C12orf42: variants seen among roughly 807,000 people sequenced by gnomAD.
C12orf42 encodes the protein chromosome 12 open reading frame 42.
Under a neutral mutation model 21.6 loss-of-function variants are expected in C12orf42, and 25 were observed. The observed-to-expected ratio is 1.16, with a 90% CI of 0.84 to 1.62. C12orf42 has a LOEUF of 1.62. Among genes scored for constraint, C12orf42 ranks in the 40% most tolerant of loss-of-function variants. The pLI is 0.00. For synonymous variants in C12orf42, 174 were observed against 175.0 expected (o/e 0.99, Z 0.05); for missense variants, 483 against 459.3 (o/e 1.05, Z -0.47).
the C12orf42 span, chr12:103,156,345 A>T: frequency 6.6e-6 from 1 of 152,154 alleles, no homozygotes; most frequent in African/African-American, 2.4e-5. Flanking sequence ...GTGACTGAAA[A>T]GGGGCATAAA....
chr12:103,533,982 T>C, the C12orf42 span, among the ~76,000 whole-genome samples: 1 of 152,186 alleles, frequency 6.6e-6, no homozygotes, highest in Non-Finnish European at 1.5e-5. Context: ...CAGCACCTGC[T>C]TCATGTGGTC....
chr12:103,443,672 A>C (rs1244948833), intron 2 of C12orf42, among the ~76,000 whole-genome samples: 2 of 152,126 alleles, frequency 1.3e-5, no homozygotes, highest in Non-Finnish European at 2.9e-5. Flanking sequence ...TAAATGTTGA[A>C]GTCATTCATT....
intron 3 of C12orf42, among the ~76,000 whole-genome samples, chr12:103,388,303 C>T (rs966398163): frequency 6.6e-6 from 1 of 152,126 alleles, no homozygotes; most frequent in Non-Finnish European, 1.5e-5. Flanking sequence ...CCCAACAGAC[C>T]TCCAGATGGG....
chr12:103,180,763 G>T, the C12orf42 span, among the ~76,000 whole-genome samples: 1 of 150,522 alleles, frequency 6.6e-6, no homozygotes, highest in Non-Finnish European at 1.5e-5. Context: ...CGAGTAGCTG[G>T]GATTACAGGC....
chr12:103,109,537 T>C, the C12orf42 span, among the ~76,000 whole-genome samples: 2 of 151,542 alleles, frequency 1.3e-5, no homozygotes, highest in African/African-American at 2.4e-5. Flanking sequence ...TGCGAAACTT[T>C]AATACATTTA....
chr12:103,200,570 G>A, the C12orf42 span, among the ~76,000 whole-genome samples: 8 of 152,274 alleles, frequency 5.3e-5, no homozygotes, highest in East Asian at 3.9e-4. Context: ...TGATGGCTTC[G>A]CAGGTGTGTA....
At chr12:103,550,915 C>T in the C12orf42 span, among the ~76,000 whole-genome samples, 5 of 151,880 alleles carry the variant, frequency 3.3e-5, no homozygotes, top group Admixed American at 3.3e-4. Flanking sequence ...TCAATTTTTG[C>T]CCTTAATTAT....
the C12orf42 span, among the ~76,000 whole-genome samples, chr12:103,049,566 A>G: frequency 6.6e-6 from 1 of 152,150 alleles, no homozygotes; most frequent in Non-Finnish European, 1.5e-5. Flanking sequence ...CAGTCTTACC[A>G]TTCCTCTGCT....
intron 4 of C12orf42, among the ~76,000 whole-genome samples, chr12:103,334,178 T>C (rs1032072687): frequency 4.6e-5 from 7 of 152,200 alleles, no homozygotes; most frequent in Admixed American, 3.9e-4. Context: ...CCAACTTTGC[T>C]GCATCAGAAC....
chr12:103,351,036 C>T (rs2043060970), intron 4 of C12orf42, among the ~76,000 whole-genome samples: 1 of 152,230 alleles, frequency 6.6e-6, no homozygotes, highest in South Asian at 2.1e-4. Context: ...CTTTCACAAT[C>T]TGTAATTGCG....
the C12orf42 span, among the ~76,000 whole-genome samples, chr12:103,192,999 C>A: frequency 1.1e-4 from 17 of 152,196 alleles, no homozygotes; most frequent in Admixed American, 3.3e-4. Flanking sequence ...GAACACAAAA[C>A]AAATCTTAAC....
At chr12:103,421,597 A>AAAT (rs2049912662) in intron 2 of C12orf42, among the ~76,000 whole-genome samples, 1 of 142,818 alleles carries the variant, frequency 7.0e-6, no homozygotes, top group African/African-American at 2.5e-5. Context: ...ATAAATAAAT[A>AAAT]AATAAATAAA....
chr12:103,561,401 G>A, the C12orf42 span, among the ~76,000 whole-genome samples: 1 of 152,180 alleles, frequency 6.6e-6, no homozygotes. Context: ...TCCAAGATCA[G>A]GGTGCCAGCA....
intron 4 of C12orf42, among the ~76,000 whole-genome samples, chr12:103,287,714 A>C (rs1414296375): frequency 3.9e-5 from 6 of 151,994 alleles, no homozygotes; most frequent in East Asian, 1.9e-4. Flanking sequence ...ATAATAAAAA[A>C]AAAAAACAAA....
chr12:103,360,991 A>G (rs2137690243), intron 4 of C12orf42, among the ~76,000 whole-genome samples: 1 of 152,290 alleles, frequency 6.6e-6, no homozygotes, highest in South Asian at 2.1e-4. Flanking sequence ...AGCCTTTAAC[A>G]GGGATCTGGG....
chr12:103,436,349 A>T (rs1316742187), intron 2 of C12orf42, among the ~76,000 whole-genome samples: 1 of 152,160 alleles, frequency 6.6e-6, no homozygotes, highest in African/African-American at 2.4e-5. Context: ...TCAACTAACA[A>T]GCAAAATCAC....
intron 4 of C12orf42, among the ~76,000 whole-genome samples, chr12:103,342,134 C>T (rs922242422): frequency 6.6e-6 from 1 of 152,038 alleles, no homozygotes; most frequent in Non-Finnish European, 1.5e-5. Context: ...TTTTACAGAC[C>T]CTCTATGTAG....
At chr12:103,191,256 C>G in the C12orf42 span, among the ~76,000 whole-genome samples, 2 of 151,896 alleles carry the variant, frequency 1.3e-5, no homozygotes, top group East Asian at 3.9e-4. Context: ...AAAGAAGTGT[C>G]AAATACAGTT....
intron 4 of C12orf42, among the ~76,000 whole-genome samples, chr12:103,323,329 T>C (rs752465487): frequency 3.7e-4 from 56 of 152,304 alleles, no homozygotes; most frequent in African/African-American, 1.3e-3. Flanking sequence ...ATAGTTATTA[T>C]GTTCATCCAA....
Sources: allele counts gnomAD v4.1 joint callset (sites outside exome capture counted in the v4.1 genomes callset), GRCh38; gene constraint gnomAD v4.1.1; transcripts MANE v1.5; gene names NCBI Gene and HGNC (gene_info 2026-07-23, HGNC 2026-07-21).